Variants in PTPRD observed in about 807,000 individuals in gnomAD.
PTPRD encodes the protein protein tyrosine phosphatase receptor type D.
Under a neutral mutation model 214.5 loss-of-function variants are expected in PTPRD, and 34 were observed. The observed-to-expected ratio is 0.16, with a 90% CI of 0.12 to 0.21. The LOEUF is 0.21. PTPRD is among the 10% of genes least tolerant of loss of function. The pLI is 1.00. For missense variants in PTPRD, 2,545 were observed against 2,398.7 expected, an observed-to-expected ratio of 1.06 and a Z score of -1.27; for synonymous variants, 1,128 against 845.7, an observed-to-expected ratio of 1.33 and a Z score of -5.79.
At chr9:10,452,332 T>G (rs1182421347) in intron 2 of PTPRD, among the ~76,000 whole-genome samples, 1 of 151,860 alleles carries the variant, frequency 6.6e-6, no homozygotes, top group Non-Finnish European at 1.5e-5. Context: ...ACTTTGAATA[T>G]GTGCCTTTAA....
intron 9 of PTPRD, among the ~76,000 whole-genome samples, chr9:9,363,335 A>G (rs1227339208): frequency 6.6e-6 from 1 of 151,196 alleles, no homozygotes; most frequent in African/African-American, 2.4e-5. Flanking sequence ...AGAAATCCTC[A>G]TATACAAGCT....
At chr9:10,333,894 A>G (rs1012713858) in intron 3 of PTPRD, among the ~76,000 whole-genome samples, 26 of 151,872 alleles carry the variant, frequency 1.7e-4, no homozygotes, top group African/African-American at 6.0e-4. Context: ...TAAATTAAAT[A>G]CAAGAACATT....
intron 2 of PTPRD, among the ~76,000 whole-genome samples, chr9:10,577,007 G>A (rs2069626566): frequency 6.6e-6 from 1 of 151,880 alleles, no homozygotes; most frequent in African/African-American, 2.4e-5. Flanking sequence ...AATAGAAATG[G>A]AGAACATCTG....
At chr9:8,493,457 T>C (rs1306297826) in intron 26 of PTPRD, among the ~76,000 whole-genome samples, 1 of 151,956 alleles carries the variant, frequency 6.6e-6, no homozygotes, top group Non-Finnish European at 1.5e-5. Context: ...ACATATCCAC[T>C]GTAACCCACA....
chr9:9,086,839 A>C (rs927177446), intron 10 of PTPRD, among the ~76,000 whole-genome samples: 7 of 152,196 alleles, frequency 4.6e-5, no homozygotes, highest in Non-Finnish European at 1.0e-4. Flanking sequence ...TGGGCCAGTG[A>C]AACAAAAAAG....
chr9:9,328,470 C>T (rs61161224), intron 9 of PTPRD, among the ~76,000 whole-genome samples: 17 of 151,842 alleles, frequency 1.1e-4, no homozygotes, highest in Non-Finnish European at 2.5e-4. Flanking sequence ...AACTCAATTT[C>T]TGCTTTATGT....
intron 7 of PTPRD, among the ~76,000 whole-genome samples, chr9:9,679,381 T>C (rs2097015137): frequency 6.6e-6 from 1 of 151,784 alleles, no homozygotes; most frequent in African/African-American, 2.4e-5. Flanking sequence ...AGTCAATCAA[T>C]CCATAAATAT....
At chr9:10,166,781 A>T (rs1022939609) in intron 3 of PTPRD, among the ~76,000 whole-genome samples, 7 of 152,122 alleles carry the variant, frequency 4.6e-5, no homozygotes, top group Non-Finnish European at 8.8e-5. Flanking sequence ...ATGATAAGGC[A>T]TCAAGTTTTT....
intron 8 of PTPRD, among the ~76,000 whole-genome samples, chr9:9,406,847 C>CT (rs35972215): frequency 0.68 from 98,561 of 145,392 alleles, 33,362 homozygotes; most frequent in African/African-American, 0.69. Flanking sequence ...TTTCTTCTTT[C>CT]TTTTTTTTTT....
At chr9:9,707,575 A>T (rs879083276) in intron 7 of PTPRD, among the ~76,000 whole-genome samples, 1 of 152,156 alleles carries the variant, frequency 6.6e-6, no homozygotes, top group African/African-American at 2.4e-5. Flanking sequence ...TATCTAGGAT[A>T]CCATCTCTAA....
chr9:10,483,234 T>C (rs987148047), intron 2 of PTPRD, among the ~76,000 whole-genome samples: 11 of 152,058 alleles, frequency 7.2e-5, no homozygotes, highest in African/African-American at 2.2e-4. Context: ...TAGCCACGTG[T>C]AGAAAAATGA....
intron 12 of PTPRD, among the ~76,000 whole-genome samples, chr9:8,725,006 T>A (rs2098542383): frequency 6.6e-6 from 1 of 152,172 alleles, no homozygotes; most frequent in Non-Finnish European, 1.5e-5. Context: ...ATAACACATG[T>A]AGTTTAGTTA....
chr9:8,740,641 T>C lies in PTPRD; in HGVS notation c.-103-6695A>G, dbSNP rs116678219. On this transcript the variant is annotated intron_variant, in intron 11 of 45. Coordinates refer to ENST00000381196, the MANE Select transcript of PTPRD (RefSeq NM_002839.4). ...CTAAAAATATAAGAAATTATTTGTATGAAACTTGTAACACCTCAAAATTAT... is the reference window on the plus strand; with the variant it reads ...CTAAAAATATAAGAAATTATTTGTACGAAACTTGTAACACCTCAAAATTAT... 4.3e-3 allele frequency among the ~76,000 whole-genome samples: 655 copies of C among 152,314 alleles called. 2 individuals are homozygous for C. The highest frequency in any genetic ancestry group is 0.015 in the African/African-American group (624 of 41,554).
chr9:9,717,656 T>C (rs1038393194), intron 7 of PTPRD, among the ~76,000 whole-genome samples: 1 of 152,198 alleles, frequency 6.6e-6, no homozygotes, highest in African/African-American at 2.4e-5. Context: ...ATTACAAATA[T>C]GGAACACTTA....
chr9:10,173,516 A>G (rs547900823), intron 3 of PTPRD, among the ~76,000 whole-genome samples: 2 of 152,278 alleles, frequency 1.3e-5, no homozygotes, highest in African/African-American at 4.8e-5. Flanking sequence ...TAATGTCCCC[A>G]AATTTCCACA....
At chr9:8,332,751 A>G (rs1842727560) in intron 43 of PTPRD, among the ~76,000 whole-genome samples, 1 of 152,164 alleles carries the variant, frequency 6.6e-6, no homozygotes, top group Admixed American at 6.6e-5. Context: ...TACATTGCCC[A>G]TCAACCTTCT....
chr9:10,540,706 G>T (rs1035071351), intron 2 of PTPRD, among the ~76,000 whole-genome samples: 3 of 152,160 alleles, frequency 2.0e-5, no homozygotes, highest in Admixed American at 2.0e-4. Context: ...AAAGAATGTG[G>T]TAATTTTTGT....
intron 12 of PTPRD, among the ~76,000 whole-genome samples, chr9:8,637,489 A>G (rs1316050204): frequency 6.6e-6 from 1 of 152,206 alleles, no homozygotes; most frequent in African/African-American, 2.4e-5. Flanking sequence ...AAAGCAAAGA[A>G]TATTTTTTAT....
At chr9:9,491,133 G>C (rs962493008) in intron 8 of PTPRD, among the ~76,000 whole-genome samples, 1 of 151,824 alleles carries the variant, frequency 6.6e-6, no homozygotes, top group Non-Finnish European at 1.5e-5. Flanking sequence ...GTAAGCAAAA[G>C]AGAGCAGGGG....
Sources: gnomAD v4.1 joint callset for allele counts (sites outside exome capture counted in the v4.1 genomes callset) on GRCh38, gnomAD v4.1.1 for gene constraint, MANE v1.5 for transcripts, NCBI Gene and HGNC (gene_info 2026-07-23, HGNC 2026-07-21) for gene names.